The following PPP2R2C variants were observed in gnomAD, a reference collection of about 807,000 sequenced individuals.
PPP2R2C encodes the protein protein phosphatase 2 regulatory subunit Bgamma.
PPP2R2C carries 10 observed loss-of-function variants against 45.3 expected under a neutral mutation model. That is an observed-to-expected ratio of 0.22 (90% CI 0.14 to 0.37). The LOEUF is 0.37. Ranked by LOEUF, PPP2R2C falls within the 10% of genes least tolerant of loss-of-function variation. The pLI is 1.00. For synonymous variants in PPP2R2C, 257 were observed against 245.4 expected (o/e 1.05, Z -0.44); for missense variants, 308 against 619.7 (o/e 0.50, Z 5.34).
chr4:6,354,070 G>A (rs1712900303), intron 5 of PPP2R2C, among the ~76,000 whole-genome samples: 1 of 149,692 alleles, frequency 6.7e-6, no homozygotes, highest in South Asian at 2.2e-4. Context: ...CCAGCCTTCA[G>A]GTCCTGGGGT....
At chr4:6,376,236 G>A (rs1715290759) in intron 3 of PPP2R2C, among the ~76,000 whole-genome samples, 1 of 152,154 alleles carries the variant, frequency 6.6e-6, no homozygotes, top group South Asian at 2.1e-4. Context: ...ACTACTACAG[G>A]AGTCAAAACA....
chr4:6,541,377 GATTA>G lies in PPP2R2C; in HGVS notation c.-58-6004_-58-6001del, dbSNP rs369730121. Among the ~76,000 whole-genome samples the G allele has an allele frequency of 5.5e-3, 831 of 151,990 alleles. 38 individuals are homozygous for G. Among genetic ancestry groups the G allele is most frequent in the Admixed American group, 0.048 (730 of 15,238 alleles). ...TGGGAGTTACTAGAATACAGGTCAA[GATTA>G]ATTAATTAATTAATTAATTAATATC... On this transcript the variant is annotated intron_variant, in intron 1 of 9. Transcript: ENST00000506140.
chr4:6,382,390 G>C, intron 1 of PPP2R2C: 2 of 1,349,654 alleles, frequency 1.5e-6, no homozygotes, highest in South Asian at 2.3e-5. Context: ...TAGCCACAGA[G>C]AGGACACTCC....
chr4:6,511,688 TGATGGTGGTGATGGTGGTGGA>T, intron 2 of PPP2R2C, among the ~76,000 whole-genome samples: 1 of 79,038 alleles, frequency 1.3e-5, no homozygotes, highest in Non-Finnish European at 2.7e-5. Flanking sequence ...GTGGTGGAGG[TGATGGTGGTGATGGTGGTGGA>T]GGTGATGGTG....
intron 1 of PPP2R2C, among the ~76,000 whole-genome samples, chr4:6,390,693 C>T (rs767578273): frequency 1.3e-5 from 2 of 152,280 alleles, no homozygotes; most frequent in East Asian, 1.9e-4. Flanking sequence ...GGCCAGGGAA[C>T]GGAATATCCC....
intron 1 of PPP2R2C, among the ~76,000 whole-genome samples, chr4:6,462,537 G>A (rs1470531497): frequency 1.3e-5 from 2 of 152,176 alleles, no homozygotes; most frequent in African/African-American, 4.8e-5. Flanking sequence ...CCTGAAAAGG[G>A]GATGGAGGCT....
chr4:6,382,953 C>A, intron 1 of PPP2R2C: 1 of 1,076,160 alleles, frequency 9.3e-7, no homozygotes, highest in Non-Finnish European at 1.1e-6. Context: ...TAAAGGCAGC[C>A]CCCACCTGCC....
chr4:6,373,325 C>T (rs145993903), intron 4 of PPP2R2C, among the ~76,000 whole-genome samples: 11 of 152,330 alleles, frequency 7.2e-5, no homozygotes, highest in African/African-American at 1.4e-4. Flanking sequence ...TTTCCGTGCT[C>T]GGCCCTGGAC....
Position 6,543,993 on chromosome 4 carries a change from G to C in PPP2R2C, c.-58-8616C>G, listed in dbSNP as rs577428553. On this transcript the variant is annotated intron_variant, in intron 1 of 9. Coordinates refer to the PPP2R2C transcript ENST00000506140. Reference sequence around the variant, plus strand: ...CTCATCCAAGGATCTGCCTTCCATGGAAGACGCTCAAGTCCCCAGAGTGGA... The same window carrying C: ...CTCATCCAAGGATCTGCCTTCCATGCAAGACGCTCAAGTCCCCAGAGTGGA... Among the ~76,000 whole-genome samples, 5 of 152,298 alleles carry C rather than the reference G, an allele frequency of 3.3e-5. No individual in the cohort carries two copies. In the South Asian group the frequency reaches 1.0e-3, roughly 32 times the overall value.
chr4:6,447,757 A>G (rs1449394486), intron 1 of PPP2R2C, among the ~76,000 whole-genome samples: 1 of 152,094 alleles, frequency 6.6e-6, no homozygotes, highest in Non-Finnish European at 1.5e-5. Context: ...TCGTAGGAAC[A>G]GCGTGACCTG....
chr4:6,471,217 T>TTAGC lies in PPP2R2C; in HGVS notation c.70+939_70+942dup, dbSNP rs752786632. Among the ~76,000 whole-genome samples the TTAGC allele has an allele frequency of 6.6e-6, 1 of 152,000 alleles. No individual in the cohort carries two copies. Among genetic ancestry groups the TTAGC allele is most frequent in the Non-Finnish European group, 1.5e-5 (1 of 67,974 alleles). On this transcript the variant is annotated intron_variant, in intron 1 of 8. Coordinates refer to ENST00000382599, the MANE Select transcript of PPP2R2C (RefSeq NM_020416.4). This position sits in a 1 kb window ranked among gnomAD's most constrained non-coding sequence, Gnocchi z 5.6. ...TGCGGCCGGGCCGCCAGCCCGTGGG[T>TTAGC]TAGCGGCTGACAGTCCCCGCACTCG...
chr4:6,337,081 A>C (rs1178972420), intron 6 of PPP2R2C, among the ~76,000 whole-genome samples: 1 of 92,948 alleles, frequency 1.1e-5, no homozygotes, highest in African/African-American at 4.0e-5. Context: ...ATAATAATTA[A>C]ATTGGCATCT....
intron 1 of PPP2R2C, among the ~76,000 whole-genome samples, chr4:6,403,688 C>G (rs1264209229): frequency 6.6e-6 from 1 of 152,086 alleles, no homozygotes; most frequent in Non-Finnish European, 1.5e-5. Context: ...CATGGTGAAA[C>G]CCCGCCTCTA....
chr4:6,433,553 G>A (rs1247599516), intron 1 of PPP2R2C, among the ~76,000 whole-genome samples: 2 of 152,154 alleles, frequency 1.3e-5, no homozygotes, highest in Non-Finnish European at 2.9e-5. Flanking sequence ...CCCTCCCTGT[G>A]CCCTTTACTG....
intron 4 of PPP2R2C, among the ~76,000 whole-genome samples, chr4:6,374,060 C>T (rs950417484): frequency 7.9e-5 from 12 of 152,242 alleles, no homozygotes; most frequent in South Asian, 4.2e-4. Context: ...CCTCCCTGCA[C>T]GTATTCCTGT....
chr4:6,349,152 C>G (rs1225053445), intron 5 of PPP2R2C: 6 of 985,272 alleles, frequency 6.1e-6, no homozygotes, highest in Admixed American at 1.2e-4. Context: ...ATCACCCTGA[C>G]AGAAAGGCCC....
chr4:6,372,393 G>A, intron 5 of PPP2R2C, 130 bp downstream of exon 5: 1 of 936,424 alleles, frequency 1.1e-6, no homozygotes, highest in Non-Finnish European at 1.6e-6. Context: ...GGAGCCAGAG[G>A]TGCCTCACTG....
intron 1 of PPP2R2C, chr4:6,382,264 C>T (rs1210398566): frequency 8.1e-7 from 1 of 1,239,398 alleles, no homozygotes; most frequent in Non-Finnish European, 1.0e-6. Context: ...TGAATGGGAC[C>T]TCTGTCGTTC....
At chr4:6,527,301 G>A (rs762660489) in intron 2 of PPP2R2C, among the ~76,000 whole-genome samples, 16 of 152,204 alleles carry the variant, frequency 1.1e-4, no homozygotes, top group Non-Finnish European at 1.9e-4. Context: ...CACCGGACAA[G>A]CTGCCTCCAG....
Sources: gnomAD v4.1 joint callset for allele counts (sites outside exome capture counted in the v4.1 genomes callset) on GRCh38, gnomAD v4.1.1 for gene constraint, Gnocchi (gnomAD v3.1) non-coding constraint, MANE v1.5 for transcripts, NCBI Gene and HGNC (gene_info 2026-07-23, HGNC 2026-07-21) for gene names.